The following FTCDNL1 variants were observed in gnomAD, a reference collection of about 807,000 sequenced individuals.
The protein encoded by FTCDNL1 is formiminotransferase cyclodeaminase N-terminal like.
Under a neutral mutation model 5.9 loss-of-function variants are expected in FTCDNL1, and 11 were observed. The ratio of observed to expected loss-of-function variants is 1.87; its 90% CI spans 1.18 to 3.10. The LOEUF (loss-of-function observed/expected upper bound fraction) is 3.10, where lower values mean the gene tolerates loss of function less well. FTCDNL1 is among the 30% of genes most tolerant of loss of function. FTCDNL1 has a pLI of 0.00. For synonymous variants in FTCDNL1, 58 were observed against 24.8 expected, an observed-to-expected ratio of 2.34 and a Z score of -3.99; for missense variants, 115 against 65.5, an observed-to-expected ratio of 1.76 and a Z score of -2.61.
intron 3 of FTCDNL1, among the ~76,000 whole-genome samples, chr2:199,797,091 CA>C (rs1700210807): frequency 1.3e-5 from 2 of 152,224 alleles, no homozygotes; most frequent in South Asian, 4.2e-4. Context: ...GCATTATTGA[CA>C]TGTAGTATGG....
At chr2:199,707,783 C>T in the FTCDNL1 span, among the ~76,000 whole-genome samples, 3 of 151,978 alleles carry the variant, frequency 2.0e-5, no homozygotes, top group Non-Finnish European at 2.9e-5. Flanking sequence ...TTTTGACTTA[C>T]ATAATTTGTG....
intron 4 of FTCDNL1, chr2:199,818,948 C>T (rs899068643): frequency 3.9e-5 from 6 of 152,224 alleles, no homozygotes; most frequent in African/African-American, 1.4e-4. Context: ...TTTCCTGACA[C>T]ATCCCTTAGG....
At chr2:199,797,563 T>C (rs920216421) in intron 3 of FTCDNL1, among the ~76,000 whole-genome samples, 5 of 152,190 alleles carry the variant, frequency 3.3e-5, no homozygotes, top group South Asian at 2.1e-4. Context: ...TGTAAACATG[T>C]AAAAAGCAAT....
intron 3 of FTCDNL1, among the ~76,000 whole-genome samples, chr2:199,802,266 T>A (rs1700497283): frequency 6.6e-6 from 1 of 152,182 alleles, no homozygotes; most frequent in Admixed American, 6.5e-5. Context: ...GGCACCTACA[T>A]CTTATGTATC....
intron 4 of FTCDNL1, among the ~76,000 whole-genome samples, chr2:199,814,909 A>G (rs536743714): frequency 2.0e-5 from 3 of 152,304 alleles, no homozygotes; most frequent in Non-Finnish European, 4.4e-5. Context: ...GTAAGCAGGA[A>G]AGTGCTCAGT....
In FTCDNL1 at chr2:199,765,556, A is replaced by ATATATATATT; in HGVS notation, c.212-4722_212-4721insAATATATATA. 1.6e-4 allele frequency among the ~76,000 whole-genome samples: 7 copies of ATATATATATT among 42,634 alleles called. No individual in the cohort carries two copies. The South Asian group carries it at 5.7e-3, about 35-fold the overall frequency. 28.0% of individuals were successfully genotyped at this position (42,634 alleles called of 152,430 possible). On this transcript the variant is annotated intron_variant, in intron 3 of 3. Transcript: ENST00000416668. ...ATTATATATATATATATATATATATATTTTTTTTTTTTTTTTTGGAGATGG... is the reference window on the plus strand; with the variant it reads ...ATTATATATATATATATATATATATATATATATATTTTTTTTTTTTTTTTTTTGGAGATGG...
the FTCDNL1 span, among the ~76,000 whole-genome samples, chr2:199,709,234 T>C: frequency 6.6e-6 from 1 of 152,100 alleles, no homozygotes; most frequent in Non-Finnish European, 1.5e-5. Flanking sequence ...AATATTTCAG[T>C]CTGACTCTGA....
chr2:199,849,910 ATGTTCCCTGTGTGAGGGATACCAACCAC>A lies in FTCDNL1; in HGVS notation c.-8+802_-8+829del, dbSNP rs534444029. Among the ~76,000 whole-genome samples, 158 of 152,284 alleles carry A rather than the reference ATGTTCCCTGTGTGAGGGATACCAACCAC, an allele frequency of 1.0e-3. 1 individual carries two copies. Among genetic ancestry groups the A allele is most frequent in the Middle Eastern group, 6.8e-3 (2 of 294 alleles). The stretch of plus-strand genomic sequence containing the variant: ...AATGAGGGTCTTTTTCTGACAGGTA[ATGTTCCCTGTGTGAGGGATACCAACCAC>A]TGTTCCCTGTGTGAGGGATACCAAC... On this transcript the variant is annotated intron_variant, in intron 1 of 4. Transcript: ENST00000420128.
At chr2:199,836,534 A>G (rs1702754843) in intron 3 of FTCDNL1, among the ~76,000 whole-genome samples, 1 of 150,864 alleles carries the variant, frequency 6.6e-6, no homozygotes, top group African/African-American at 2.4e-5. Context: ...GGGGCCAGCC[A>G]TGGTGGGCAG....
At chr2:199,771,364 G>A (rs1698800416) in intron 3 of FTCDNL1, among the ~76,000 whole-genome samples, 1 of 152,124 alleles carries the variant, frequency 6.6e-6, no homozygotes, top group Non-Finnish European at 1.5e-5. Context: ...TACATTAAAG[G>A]AGGCTCCATA....
intron 3 of FTCDNL1, among the ~76,000 whole-genome samples, chr2:199,792,552 GACTACATACATGCCTACCA>G (rs1699984589): frequency 6.6e-6 from 1 of 152,160 alleles, no homozygotes; most frequent in South Asian, 2.1e-4. Flanking sequence ...TTTCGTGCCT[GACTACATACATGCCTACCA>G]ACTACCCACT....
the FTCDNL1 span, among the ~76,000 whole-genome samples, chr2:199,669,625 G>A: frequency 9.2e-5 from 14 of 152,152 alleles, no homozygotes; most frequent in East Asian, 5.8e-4. Context: ...TTTCTGATTC[G>A]TTTTTATTTA....
intron 3 of FTCDNL1, among the ~76,000 whole-genome samples, chr2:199,840,105 C>T (rs1452617086): frequency 6.6e-6 from 1 of 152,164 alleles, no homozygotes; most frequent in Non-Finnish European, 1.5e-5. Context: ...CTAGTCCTAA[C>T]TGGAACAGGT....
At chr2:199,748,363 A>AT in the FTCDNL1 span, among the ~76,000 whole-genome samples, 45 of 151,436 alleles carry the variant, frequency 3.0e-4, no homozygotes, top group Admixed American at 1.2e-3. Flanking sequence ...CTACATAGCT[A>AT]TTTTTTTTTG....
chr2:199,715,795 A>C, the FTCDNL1 span, among the ~76,000 whole-genome samples: 115,270 of 151,544 alleles, frequency 0.76, 45,708 homozygotes, highest in South Asian at 0.92. Context: ...CAATGGGGCA[A>C]GAATAATGGA....
chr2:199,830,183 T>C (rs1432995012), intron 3 of FTCDNL1, among the ~76,000 whole-genome samples: 1 of 152,176 alleles, frequency 6.6e-6, no homozygotes, highest in African/African-American at 2.4e-5. Context: ...TATTTTTTAA[T>C]GAGAAGAAGG....
intron 3 of FTCDNL1, among the ~76,000 whole-genome samples, chr2:199,772,589 C>G (rs1440665587): frequency 3.3e-5 from 5 of 152,162 alleles, no homozygotes; most frequent in African/African-American, 1.2e-4. Context: ...ATCTCCCACC[C>G]TCTGAAGCAC....
the FTCDNL1 span, among the ~76,000 whole-genome samples, chr2:199,686,813 C>T: frequency 6.6e-6 from 1 of 152,080 alleles, no homozygotes; most frequent in Non-Finnish European, 1.5e-5. Context: ...TGCAAGTGCT[C>T]CTATCCTATT....
intron 3 of FTCDNL1, among the ~76,000 whole-genome samples, chr2:199,820,779 C>T (rs960545352): frequency 1.3e-5 from 2 of 152,164 alleles, no homozygotes; most frequent in Admixed American, 1.3e-4. Flanking sequence ...ACTCCTTCAC[C>T]GGACCTCTGC....
Sources: allele counts gnomAD v4.1 joint callset (sites outside exome capture counted in the v4.1 genomes callset), GRCh38; gene constraint gnomAD v4.1.1; transcripts MANE v1.5; gene names NCBI Gene and HGNC (gene_info 2026-07-23, HGNC 2026-07-21).